HBS1L: variants seen among roughly 807,000 people sequenced by gnomAD.
HBS1L encodes HBS1-like protein.
Under a neutral mutation model 88.9 loss-of-function variants are expected in HBS1L, and 55 were observed. That is an observed-to-expected ratio of 0.62 (90% CI 0.50 to 0.77). The LOEUF (loss-of-function observed/expected upper bound fraction) is 0.77. Ranked by LOEUF, HBS1L falls within the 30% of genes least tolerant of loss-of-function variation. The pLI is 0.00. For missense variants in HBS1L, 741 were observed against 829.3 expected, an observed-to-expected ratio of 0.89 and a Z score of 1.31; for synonymous variants, 267 against 288.5, an observed-to-expected ratio of 0.93 and a Z score of 0.76.
intron 4 of HBS1L, among the ~76,000 whole-genome samples, chr6:135,018,022 C>T (rs992117494): frequency 2.6e-5 from 4 of 151,654 alleles, no homozygotes; most frequent in African/African-American, 4.8e-5. Flanking sequence ...TTTCCAGGTA[C>T]GTACACTTTT....
chr6:134,977,511 T>C (rs1583063979), intron 15 of HBS1L, among the ~76,000 whole-genome samples: 1 of 152,156 alleles, frequency 6.6e-6, no homozygotes, highest in African/African-American at 2.4e-5. Context: ...TTTTCTTTTC[T>C]AGTGTATGGA....
intron 13 of HBS1L, among the ~76,000 whole-genome samples, chr6:134,980,323 A>C (rs1025777031): frequency 6.6e-6 from 1 of 152,050 alleles, no homozygotes; most frequent in Admixed American, 6.6e-5. Flanking sequence ...ATGTATGTGC[A>C]CATCTGCATT....
chr6:135,027,949 T>C (rs111530472), intron 4 of HBS1L, among the ~76,000 whole-genome samples: 5,469 of 152,012 alleles, frequency 0.036, 342 homozygotes, highest in African/African-American at 0.13. Flanking sequence ...GTATTTTTGG[T>C]AGAGATGGGG....
At chr6:135,034,536 C>T (rs7748403) in intron 4 of HBS1L, among the ~76,000 whole-genome samples, 5,440 of 152,146 alleles carry the variant, frequency 0.036, 338 homozygotes, top group African/African-American at 0.12. Context: ...CCCAGCTACT[C>T]GGGGGGCTGA....
intron 16 of HBS1L, among the ~76,000 whole-genome samples, chr6:134,967,854 C>T (rs1403144645): frequency 1.3e-5 from 2 of 152,178 alleles, no homozygotes; most frequent in Non-Finnish European, 2.9e-5. Flanking sequence ...ATTCACAATA[C>T]AGCCTAAAAA....
At position 134,986,804 on chromosome 6, in the gene HBS1L, A is replaced by C. The variant is rs1774991525; in HGVS notation, c.1237T>G (p.Trp413Gly). Reference sequence around the variant, plus strand: ...ATCTCTTGAAACCTTTCTTGTTGCCAATTAACCTGATAAAGATCCAATTTA... The same window carrying C: ...ATCTCTTGAAACCTTTCTTGTTGCCCATTAACCTGATAAAGATCCAATTTA... ...VAVNKMDQVN[W>G]QQERFQEITG... Residue 413 changes from tryptophan to glycine, a missense_variant, in exon 10 of 18, where the codon TGG (tryptophan) becomes GGG (glycine). By Grantham distance (184) the Trp-to-Gly change is radical (BLOSUM62 -2). Coordinates refer to ENST00000367837, the MANE Select transcript of HBS1L (RefSeq NM_006620.4). The C allele has an allele frequency of 6.5e-7, 1 of 1,539,846 alleles. No homozygotes were observed.
intron 15 of HBS1L, among the ~76,000 whole-genome samples, chr6:134,974,645 A>T (rs1419024547): frequency 8.5e-6 from 1 of 117,540 alleles, no homozygotes; most frequent in African/African-American, 2.8e-5. Flanking sequence ...TGAAACAATT[A>T]AAAGCAAAAA....
chr6:135,001,240 T>C (rs1034825510), intron 5 of HBS1L, among the ~76,000 whole-genome samples: 13 of 152,184 alleles, frequency 8.5e-5, no homozygotes, highest in African/African-American at 2.4e-4. Flanking sequence ...ACAAAGAATA[T>C]AGTCATAAAA....
intron 16 of HBS1L, among the ~76,000 whole-genome samples, chr6:134,967,126 AAATG>A (rs1282743822): frequency 8.5e-5 from 13 of 152,230 alleles, no homozygotes; most frequent in African/African-American, 3.1e-4. Flanking sequence ...ACCAGACTGT[AAATG>A]ATTTCATAAA....
intron 15 of HBS1L, among the ~76,000 whole-genome samples, chr6:134,970,519 T>C (rs757663608): frequency 1.3e-5 from 2 of 151,320 alleles, no homozygotes; most frequent in Non-Finnish European, 2.9e-5. Context: ...CAGATGTTAT[T>C]TTAAAGTGGT....
At chr6:135,016,534 G>C (rs1156588814) in intron 4 of HBS1L, among the ~76,000 whole-genome samples, 1 of 152,038 alleles carries the variant, frequency 6.6e-6, no homozygotes, top group African/African-American at 2.4e-5. Context: ...GTATATTCAG[G>C]CTCTAAAGCA....
At chr6:135,009,941 T>C (rs1775728638) in intron 4 of HBS1L, among the ~76,000 whole-genome samples, 1 of 152,170 alleles carries the variant, frequency 6.6e-6, no homozygotes. Flanking sequence ...AAATATTCTT[T>C]GGAAGGATAA....
At chr6:135,024,681 T>C (rs1444880785) in intron 4 of HBS1L, among the ~76,000 whole-genome samples, 1 of 151,652 alleles carries the variant, frequency 6.6e-6, no homozygotes, top group Non-Finnish European at 1.5e-5. Flanking sequence ...AACATAATTA[T>C]AAAATAACAT....
At chr6:134,995,284 T>A (rs1406168455) in intron 7 of HBS1L, among the ~76,000 whole-genome samples, 2 of 152,140 alleles carry the variant, frequency 1.3e-5, no homozygotes, top group Non-Finnish European at 2.9e-5. Flanking sequence ...TTACAAATAT[T>A]TAACATGGCA....
intron 4 of HBS1L, among the ~76,000 whole-genome samples, chr6:135,026,459 C>A (rs1226334230): frequency 2.0e-5 from 3 of 151,982 alleles, no homozygotes; most frequent in Non-Finnish European, 2.9e-5. Flanking sequence ...CAAATCGTAT[C>A]AAAATATGTA....
chr6:135,036,597 AAT>A (rs1361028197), intron 4 of HBS1L: 3 of 1,515,226 alleles, frequency 2.0e-6, no homozygotes, highest in Non-Finnish European at 2.6e-6. Flanking sequence ...TAGCTTTTAC[AAT>A]GTCATCAGGT....
At chr6:135,050,475 T>A in intron 2 of HBS1L, 107 bp downstream of exon 2, 1 of 633,000 alleles carries the variant, frequency 1.6e-6, no homozygotes, top group Non-Finnish European at 2.7e-6. Context: ...ATTAACTTTT[T>A]AAATGTTATA....
chr6:135,019,077 A>G (rs1409775344), intron 4 of HBS1L, among the ~76,000 whole-genome samples: 2 of 151,990 alleles, frequency 1.3e-5, no homozygotes, highest in African/African-American at 2.4e-5. Context: ...ATGACTTAAT[A>G]TATGCTATAA....
intron 2 of HBS1L, among the ~76,000 whole-genome samples, chr6:135,046,797 T>G (rs1348516521): frequency 6.6e-6 from 1 of 152,230 alleles, no homozygotes; most frequent in African/African-American, 2.4e-5. Context: ...CATTACACCA[T>G]GAATACAATC....
Sources: allele counts gnomAD v4.1 joint callset (sites outside exome capture counted in the v4.1 genomes callset), GRCh38; gene constraint gnomAD v4.1.1; transcripts MANE v1.5; gene names NCBI Gene and HGNC (gene_info 2026-07-23, HGNC 2026-07-21).